PITPNC1: variants seen among roughly 807,000 people sequenced by gnomAD.
The protein encoded by PITPNC1 is phosphatidylinositol transfer protein cytoplasmic 1, also known as cytoplasmic phosphatidylinositol transfer protein 1.
A neutral mutation model predicts 44.7 loss-of-function variants in PITPNC1; 18 were observed. That is an observed-to-expected ratio of 0.40 (90% CI 0.28 to 0.60). The LOEUF (loss-of-function observed/expected upper bound fraction) is 0.60, where lower values mean the gene tolerates loss of function less well. PITPNC1 is among the 20% of genes least tolerant of loss of function. The pLI is 0.39. For synonymous variants in PITPNC1, 141 were observed against 149.6 expected, an observed-to-expected ratio of 0.94 and a Z score of 0.42; for missense variants, 290 against 418.4, an observed-to-expected ratio of 0.69 and a Z score of 2.68.
intron 5 of PITPNC1, among the ~76,000 whole-genome samples, chr17:67,623,980 C>T (rs2041864528): frequency 6.6e-6 from 1 of 152,190 alleles, no homozygotes; most frequent in Non-Finnish European, 1.5e-5. Context: ...TGATAAGACA[C>T]ATTCCATGCT....
At chr17:67,619,475 C>G (rs566149524) in intron 5 of PITPNC1, among the ~76,000 whole-genome samples, 1 of 152,220 alleles carries the variant, frequency 6.6e-6, no homozygotes, top group Non-Finnish European at 1.5e-5. Context: ...TCTTGGCCCC[C>G]CAAGGACCCC....
chr17:67,412,857 C>T lies in PITPNC1; in HGVS notation c.48+34655C>T, dbSNP rs201502677. Among the ~76,000 whole-genome samples the T allele has an allele frequency of 7.2e-5, 11 of 152,332 alleles. No individual in the cohort carries two copies. In the East Asian group the frequency reaches 9.7e-4, roughly 13 times the overall value. On this transcript the variant is annotated intron_variant, in intron 1 of 8. Transcript: ENST00000581322. ...TTGGGATTACAGGCGTGAGCCACCG[C>T]GCCCGGCCTTCATATTTCTCTTTAT...
chr17:67,650,776 T>C (rs1891251773), intron 6 of PITPNC1, among the ~76,000 whole-genome samples: 1 of 152,142 alleles, frequency 6.6e-6, no homozygotes, highest in African/African-American at 2.4e-5. Flanking sequence ...TACATTGTTT[T>C]GTGTGATGTG....
intron 1 of PITPNC1, among the ~76,000 whole-genome samples, chr17:67,518,229 G>T (rs1258288386): frequency 6.6e-6 from 1 of 152,074 alleles, no homozygotes; most frequent in East Asian, 1.9e-4. Context: ...CACCACTCCT[G>T]GGTTCCCTAA....
At chr17:67,498,595 G>C (rs11869456) in intron 1 of PITPNC1, among the ~76,000 whole-genome samples, 194 of 152,294 alleles carry the variant, frequency 1.3e-3, no homozygotes, top group Non-Finnish European at 2.4e-3. Context: ...GGTAGTTCCA[G>C]TTTTAATTTT....
intron 1 of PITPNC1, among the ~76,000 whole-genome samples, chr17:67,460,281 G>A (rs755214248): frequency 8.5e-5 from 13 of 152,112 alleles, no homozygotes; most frequent in Non-Finnish European, 1.8e-4. Context: ...TTCTCCCAGC[G>A]CGGGCACTCA....
chr17:67,398,030 T>C (rs2038247419), intron 1 of PITPNC1, among the ~76,000 whole-genome samples: 1 of 151,344 alleles, frequency 6.6e-6, no homozygotes, highest in African/African-American at 2.4e-5. Flanking sequence ...GAGGCGGAGC[T>C]TGCAGTGAGC....
At chr17:67,669,775 C>A in intron 7 of PITPNC1, 112 bp downstream of exon 7, 1 of 772,986 alleles carries the variant, frequency 1.3e-6, no homozygotes, top group Non-Finnish European at 2.1e-6. Flanking sequence ...CACTGCATCT[C>A]AAAAACACTT....
chr17:67,565,985 T>C (rs765914572), intron 4 of PITPNC1, among the ~76,000 whole-genome samples: 14 of 152,204 alleles, frequency 9.2e-5, no homozygotes, highest in Admixed American at 2.0e-4. Context: ...GTCTACTTTC[T>C]TTTTGTTTTT....
chr17:67,514,774 C>T (rs985629755), intron 1 of PITPNC1, among the ~76,000 whole-genome samples: 2 of 151,948 alleles, frequency 1.3e-5, no homozygotes, highest in Non-Finnish European at 2.9e-5. Flanking sequence ...TGCAGTGAGT[C>T]GAGATTGTGC....
At chr17:67,614,123 G>T (rs1282411286) in intron 5 of PITPNC1, among the ~76,000 whole-genome samples, 1 of 151,228 alleles carries the variant, frequency 6.6e-6, no homozygotes, top group Non-Finnish European at 1.5e-5. Context: ...AAAAAAGAGC[G>T]CTAGGCTTGT....
chr17:67,422,589 C>A (rs2038686331), intron 1 of PITPNC1, among the ~76,000 whole-genome samples: 1 of 152,068 alleles, frequency 6.6e-6, no homozygotes, highest in East Asian at 1.9e-4. Context: ...GCTCTGTCAC[C>A]CAGGCTGGAG....
chr17:67,647,715 C>T (rs951130218), intron 6 of PITPNC1, among the ~76,000 whole-genome samples: 22 of 151,994 alleles, frequency 1.4e-4, no homozygotes, highest in African/African-American at 4.6e-4. Context: ...AGCATCCACA[C>T]GATAGTCTTA....
intron 1 of PITPNC1, among the ~76,000 whole-genome samples, chr17:67,453,427 G>A (rs911234087): frequency 6.6e-6 from 1 of 152,210 alleles, no homozygotes; most frequent in East Asian, 1.9e-4. Context: ...TTGTGGAGCA[G>A]CTTGGGAGAG....
At chr17:67,381,527 T>C (rs1238568859) in intron 1 of PITPNC1, among the ~76,000 whole-genome samples, 2 of 148,216 alleles carry the variant, frequency 1.3e-5, no homozygotes, top group African/African-American at 2.5e-5. Flanking sequence ...AGCGCAGTGG[T>C]GCAATCTCAG....
At chr17:67,651,074 T>A (rs1484977877) in intron 6 of PITPNC1, among the ~76,000 whole-genome samples, 2 of 152,216 alleles carry the variant, frequency 1.3e-5, no homozygotes, top group Non-Finnish European at 2.9e-5. Flanking sequence ...AAAGCAAGAA[T>A]TGACTGCTTC....
chr17:67,545,518 G>A (rs2040667625), intron 2 of PITPNC1, among the ~76,000 whole-genome samples: 1 of 152,156 alleles, frequency 6.6e-6, no homozygotes, highest in African/African-American at 2.4e-5. Flanking sequence ...GGAGGTTGCA[G>A]CGAGCTGAGA....
chr17:67,430,133 T>C (rs1347891946), intron 1 of PITPNC1, among the ~76,000 whole-genome samples: 1 of 152,234 alleles, frequency 6.6e-6, no homozygotes, highest in Non-Finnish European at 1.5e-5. Context: ...TTAAGACAGT[T>C]CTGAATGCGC....
intron 8 of PITPNC1, among the ~76,000 whole-genome samples, chr17:67,683,514 A>C (rs561246441): frequency 1.3e-5 from 2 of 152,210 alleles, no homozygotes; most frequent in African/African-American, 4.8e-5. Flanking sequence ...GTCTGTGAGG[A>C]TATTTCAGGA....
Sources: allele counts gnomAD v4.1 joint callset (sites outside exome capture counted in the v4.1 genomes callset), GRCh38; gene constraint gnomAD v4.1.1; transcripts MANE v1.5; gene names NCBI Gene and HGNC (gene_info 2026-07-23, HGNC 2026-07-21).